SACM1L: variants seen among roughly 807,000 people sequenced by gnomAD.
The protein encoded by SACM1L is phosphatidylinositol-3-phosphatase SAC1.
SACM1L carries 32 observed loss-of-function variants against 89.5 expected under a neutral mutation model. The ratio of observed to expected loss-of-function variants is 0.36; its 90% CI spans 0.27 to 0.48. SACM1L has a LOEUF of 0.48. Among genes scored for constraint, SACM1L ranks in the 20% least tolerant of loss-of-function variants. The probability of loss-of-function intolerance (pLI) is 0.99; values close to 1 mark genes in which losing one functional copy is unlikely to be tolerated. For missense variants in SACM1L, 543 were observed against 708.5 expected (o/e 0.77, Z 2.65); for synonymous variants, 213 against 232.8 (o/e 0.92, Z 0.77).
chr3:45,698,322 C>G (rs912858490), intron 1 of SACM1L, among the ~76,000 whole-genome samples: 2 of 152,074 alleles, frequency 1.3e-5, no homozygotes, highest in Admixed American at 6.6e-5. Flanking sequence ...AATGAGCATC[C>G]CTAGAAATGT....
rs1009076885 is a variant in SACM1L, at chr3:45,737,194, A to G, written c.1240-389A>G. 6 of 193,900 alleles carry G rather than the reference A, an allele frequency of 3.1e-5. No homozygotes were observed. In the South Asian group the frequency reaches 7.1e-4, roughly 23 times the overall value. The allele number at this position is 193,900 out of a possible 1,614,324, so 12.0% of individuals were successfully genotyped here. A position where few individuals can be genotyped will look rare whatever the true frequency, so the allele number is the denominator to read the frequency against. On this transcript the variant is annotated intron_variant, in intron 14 of 19. Coordinates refer to ENST00000389061, the MANE Select transcript of SACM1L (RefSeq NM_014016.5). Reference sequence around the variant, plus strand: ...GTAAGGCTGGGGTGACTCAGGGGTGAAGAAGTTGAGGGATGATGCATGTGA... The same window carrying G: ...GTAAGGCTGGGGTGACTCAGGGGTGGAGAAGTTGAGGGATGATGCATGTGA...
chr3:45,726,830 C>T (rs1698929357), intron 11 of SACM1L, among the ~76,000 whole-genome samples: 1 of 150,764 alleles, frequency 6.6e-6, no homozygotes, highest in African/African-American at 2.4e-5. Context: ...TGTGCATTTA[C>T]AGCGACAAAT....
intron 7 of SACM1L, 109 bp from the exon 8 acceptor site, chr3:45,719,391 T>C (rs1266777206): frequency 3.4e-6 from 2 of 582,720 alleles, no homozygotes; most frequent in Admixed American, 3.5e-5. Context: ...TTGTATACTC[T>C]TGTCATTTTT....
intron 8 of SACM1L, among the ~76,000 whole-genome samples, chr3:45,721,135 C>G (rs1426470808): frequency 6.6e-6 from 1 of 152,244 alleles, no homozygotes; most frequent in African/African-American, 2.4e-5. Context: ...TACAGAGGAT[C>G]ACATACAGAT....
intron 1 of SACM1L, among the ~76,000 whole-genome samples, chr3:45,697,262 T>G (rs376897359): frequency 1.5e-4 from 22 of 146,892 alleles, no homozygotes; most frequent in African/African-American, 5.5e-4. Flanking sequence ...GTTTTTCTTT[T>G]CTTTTCCTTT....
chr3:45,702,216 C>G (rs540849457), intron 1 of SACM1L, among the ~76,000 whole-genome samples: 2 of 152,106 alleles, frequency 1.3e-5, no homozygotes, highest in Non-Finnish European at 2.9e-5. Context: ...AGAGAACTTG[C>G]AGTAAAAAAG....
chr3:45,737,438 G>A, intron 14 of SACM1L, 145 bp from the exon 15 acceptor site: 1 of 809,722 alleles, frequency 1.2e-6, no homozygotes, highest in Non-Finnish European at 2.0e-6. Context: ...GCTGTGAGCT[G>A]GGGCCCCCTA....
chr3:45,742,531 G>A (rs1699337675), intron 19 of SACM1L: 2 of 152,242 alleles, frequency 1.3e-5, no homozygotes, highest in South Asian at 4.1e-4. Flanking sequence ...AGAGAGAGAA[G>A]CTATTCTCTA....
At chr3:45,709,758 C>T in intron 5 of SACM1L, 111 bp downstream of exon 5, 1 of 949,014 alleles carries the variant, frequency 1.1e-6, no homozygotes, top group Non-Finnish European at 1.5e-6. Flanking sequence ...ATCTTAGAAT[C>T]ATGTATGAGG....
At chr3:45,733,418 A>G (rs1699122582) in intron 13 of SACM1L, among the ~76,000 whole-genome samples, 1 of 152,164 alleles carries the variant, frequency 6.6e-6, no homozygotes, top group Non-Finnish European at 1.5e-5. Flanking sequence ...AACTTACTGT[A>G]TAGTTTAAGC....
chr3:45,714,026 A>AAT lies in SACM1L; in HGVS notation c.544-13_544-12dup. On this transcript the variant is annotated intron_variant, in intron 6 of 19. Transcript: ENST00000389061. ...TTATTTTTAAAGTATATTTATTCTAAATATATATCTTCATTTCAGGTTCAT... is the reference window on the plus strand; with the variant it reads ...TTATTTTTAAAGTATATTTATTCTAAATATATATATCTTCATTTCAGGTTCAT... The AAT allele has an allele frequency of 7.2e-7, 1 of 1,388,066 alleles. No homozygotes were observed. Among genetic ancestry groups the AAT allele is most frequent in the Non-Finnish European group, 1.0e-6 (1 of 1,003,306 alleles). The allele number at this position is 1,388,066 out of a possible 1,614,324, so 86.0% of individuals were successfully genotyped here. A position where few individuals can be genotyped will look rare whatever the true frequency, so the allele number is the denominator to read the frequency against.
At chr3:45,733,340 G>A (rs1477575693) in intron 13 of SACM1L, among the ~76,000 whole-genome samples, 1 of 152,164 alleles carries the variant, frequency 6.6e-6, no homozygotes, top group Non-Finnish European at 1.5e-5. Context: ...TCTCTTAGTA[G>A]TAATATGACC....
chr3:45,691,917 C>T (rs776340683), intron 1 of SACM1L, among the ~76,000 whole-genome samples: 3 of 152,222 alleles, frequency 2.0e-5, no homozygotes, highest in African/African-American at 7.2e-5. Flanking sequence ...CCAGTTCCAT[C>T]TTACTGACCT....
chr3:45,707,107 T>TTTA, intron 4 of SACM1L, 200 bp downstream of exon 4: 1 of 419,408 alleles, frequency 2.4e-6, no homozygotes, highest in Non-Finnish European at 4.2e-6. Flanking sequence ...TTTTTTTTTT[T>TTTA]AAAGATTCAG....
intron 11 of SACM1L, among the ~76,000 whole-genome samples, chr3:45,725,912 G>A (rs1698907150): frequency 6.6e-6 from 1 of 152,014 alleles, no homozygotes; most frequent in Admixed American, 6.5e-5. Flanking sequence ...ATCAAGAAGA[G>A]GTGTTGAATT....
chr3:45,732,896 C>A (rs1699108205), intron 13 of SACM1L, among the ~76,000 whole-genome samples: 1 of 152,158 alleles, frequency 6.6e-6, no homozygotes, highest in African/African-American at 2.4e-5. Flanking sequence ...TAATTTGTTA[C>A]ACAATAATAT....
At chr3:45,734,251 A>G (rs1393066033) in intron 13 of SACM1L, among the ~76,000 whole-genome samples, 1 of 151,304 alleles carries the variant, frequency 6.6e-6, no homozygotes, top group Non-Finnish European at 1.5e-5. Context: ...TATCTGTACT[A>G]AAAATACAAA....
intron 3 of SACM1L, 88 bp from the exon 4 acceptor site, chr3:45,706,692 G>A (rs1450426751): frequency 3.6e-6 from 4 of 1,122,466 alleles, no homozygotes; most frequent in Non-Finnish European, 5.1e-6. Context: ...CATTCTACTA[G>A]CCTTTAAAGT....
chr3:45,731,382 T>C lies in SACM1L; in HGVS notation c.1001+2T>C. 6.3e-7 allele frequency: 1 copy of C among 1,587,480 alleles called. No homozygotes were observed. The highest frequency in any genetic ancestry group is 8.6e-7 in the Non-Finnish European group (1 of 1,156,366). On this transcript the variant is annotated splice_donor_variant, in intron 12 of 19. Transcript: ENST00000389061. LOFTEE classifies it high-confidence loss of function. ...TTCCTTGGGAAGTGGAATGATGAGG[T>C]ACCTCACTAGAAATCTGTTGCAGGT...
Sources: allele counts gnomAD v4.1 joint callset (sites outside exome capture counted in the v4.1 genomes callset), GRCh38; gene constraint gnomAD v4.1.1; transcripts MANE v1.5; gene names NCBI Gene and HGNC (gene_info 2026-07-23, HGNC 2026-07-21).